The following PSPC1 variants were observed in gnomAD, a reference collection of about 807,000 sequenced individuals.
The protein encoded by PSPC1 is paraspeckle component 1, also known as paraspeckle protein 1.
In PSPC1, 14 loss-of-function variants were observed where a neutral mutation model predicts 51.6. The observed-to-expected ratio is 0.27, with a 90% confidence interval of 0.18 to 0.42. The LOEUF (loss-of-function observed/expected upper bound fraction) is 0.42. Among genes scored for constraint, PSPC1 ranks in the 10% least tolerant of loss-of-function variants. The pLI, the probability that PSPC1 is intolerant of heterozygous loss-of-function variation, is 1.00. For synonymous variants in PSPC1, 193 were observed against 231.9 expected (o/e 0.83, Z 1.53); for missense variants, 406 against 701.1 (o/e 0.58, Z 4.75).
chr13:19,771,168 C>G (rs909959249), intron 2 of PSPC1, among the ~76,000 whole-genome samples: 7 of 152,012 alleles, frequency 4.6e-5, no homozygotes, highest in African/African-American at 1.7e-4. Flanking sequence ...GGCAGAGTCT[C>G]GCTCTGTCGC....
chr13:19,770,456 TC>T (rs1469718055), intron 2 of PSPC1, among the ~76,000 whole-genome samples: 2 of 151,972 alleles, frequency 1.3e-5, no homozygotes, highest in Non-Finnish European at 2.9e-5. Flanking sequence ...GGTCAGGAGT[TC>T]GAGACCAGCC....
intron 7 of PSPC1, among the ~76,000 whole-genome samples, chr13:19,708,777 A>G (rs553160586): frequency 5.9e-5 from 9 of 152,360 alleles, no homozygotes; most frequent in African/African-American, 1.9e-4. Flanking sequence ...TTACACAAAA[A>G]GCTAGTTTAA....
intron 3 of PSPC1, among the ~76,000 whole-genome samples, chr13:19,755,872 T>A (rs1887016629): frequency 6.6e-6 from 1 of 152,160 alleles, no homozygotes; most frequent in African/African-American, 2.4e-5. Flanking sequence ...TAAATCCAAC[T>A]ACCTGCTTGA....
At chr13:19,754,578 T>G (rs369304330) in intron 3 of PSPC1, among the ~76,000 whole-genome samples, 14 of 151,258 alleles carry the variant, frequency 9.3e-5, no homozygotes, top group African/African-American at 3.4e-4. Context: ...TAGCTGGGAT[T>G]ACAGGTGCAC....
At chr13:19,749,037 C>T (rs1434509508) in intron 4 of PSPC1, among the ~76,000 whole-genome samples, 1 of 151,592 alleles carries the variant, frequency 6.6e-6, no homozygotes, top group African/African-American at 2.4e-5. Context: ...TGGAGAAATC[C>T]CATCTCTACT....
chr13:19,717,915 G>A (rs1299564785), intron 6 of PSPC1, among the ~76,000 whole-genome samples: 1 of 151,532 alleles, frequency 6.6e-6, no homozygotes, highest in Non-Finnish European at 1.5e-5. Context: ...ATGGTGTCCA[G>A]TGCCTGTAAT....
At chr13:19,776,093 G>A (rs1024539881) in intron 1 of PSPC1, among the ~76,000 whole-genome samples, 10 of 151,744 alleles carry the variant, frequency 6.6e-5, no homozygotes, top group African/African-American at 2.4e-4. Context: ...GAAATATGAA[G>A]ACATTTAATG....
At chr13:19,692,319 C>A (rs940006173) in intron 6 of PSPC1, among the ~76,000 whole-genome samples, 2 of 152,058 alleles carry the variant, frequency 1.3e-5, no homozygotes, top group African/African-American at 4.8e-5. Flanking sequence ...GTTTTGCCAT[C>A]TTGCCCAGGC....
intron 5 of PSPC1, among the ~76,000 whole-genome samples, chr13:19,739,647 G>A (rs961334507): frequency 1.2e-4 from 18 of 152,142 alleles, no homozygotes; most frequent in African/African-American, 3.4e-4. Flanking sequence ...GGAAGCTGAG[G>A]CAGGAGAATC....
At chr13:19,750,618 CT>C (rs1455179494) in intron 4 of PSPC1, among the ~76,000 whole-genome samples, 1 of 152,042 alleles carries the variant, frequency 6.6e-6, no homozygotes, top group Non-Finnish European at 1.5e-5. Context: ...CCAAATTCTT[CT>C]CATCAAACAA....
At chr13:19,721,720 A>G (rs749265360) in intron 6 of PSPC1, among the ~76,000 whole-genome samples, 16 of 152,210 alleles carry the variant, frequency 1.1e-4, no homozygotes, top group Non-Finnish European at 2.1e-4. Flanking sequence ...AATACAGGAA[A>G]CAGTGAACAA....
chr13:19,782,676 C>G lies in PSPC1; in HGVS notation c.82G>C (p.Glu28Gln). 2 of 1,563,996 alleles carry G rather than the reference C, an allele frequency of 1.3e-6. No homozygotes were observed. The highest frequency in any genetic ancestry group is 1.4e-5 in the African/African-American group (1 of 70,370). The change falls in exon 1 of 9, where the codon GAG becomes CAG. Residue 28 changes from glutamate to glutamine, a missense_variant. Physicochemically the swap from Glu to Gln is conservative, Grantham distance 29 (BLOSUM62 2). Around this residue, in one of 5 missense-constraint regions of PSPC1, gnomAD observed 128 missense variants for 107.1 expected, o/e 1.20. Transcript: ENST00000338910. This position sits in a 1 kb window ranked among gnomAD's most constrained non-coding sequence, Gnocchi z 4.5. ...RLRALESAVG[E>Q]SEPAAAAAMA... is the part of the protein sequence containing the mutation. The stretch of plus-strand genomic sequence containing the variant: ...GCTGCCGCGGCCGCCGGCTCGCTCT[C>G]GCCCACCGCGGACTCCAGGGCGCGA...
At chr13:19,740,267 C>T (rs1365024285) in intron 5 of PSPC1, among the ~76,000 whole-genome samples, 1 of 151,418 alleles carries the variant, frequency 6.6e-6, no homozygotes, top group East Asian at 1.9e-4. Context: ...GGCTTGAACC[C>T]GGGAGGCGGA....
chr13:19,757,844 T>C (rs141119290), intron 3 of PSPC1, among the ~76,000 whole-genome samples: 37 of 152,030 alleles, frequency 2.4e-4, no homozygotes, highest in Non-Finnish European at 4.1e-4. Context: ...GCAAAAGTAA[T>C]TGGAGAGGAA....
At position 19,703,102 on chromosome 13, in the gene PSPC1, C is replaced by T; in HGVS notation, c.*73G>A. On this transcript the variant is annotated 3_prime_UTR_variant, in exon 9 of 9. Coordinates refer to ENST00000338910, the MANE Select transcript of PSPC1 (RefSeq NM_001354909.2). ...ACATTAACAATAAAACCATTTCTTC[C>T]AGATAACAGGTAAAAGTATAAAGGC... is the stretch of plus-strand genomic sequence containing the variant. 7.7e-7 allele frequency: 1 copy of T among 1,300,426 alleles called. No individual in the cohort carries two copies. Among genetic ancestry groups the T allele is most frequent in the Non-Finnish European group, 1.1e-6 (1 of 933,556 alleles). 80.6% of individuals were successfully genotyped at this position (1,300,426 alleles called of 1,614,324 possible). A position where few individuals can be genotyped will look rare whatever the true frequency, so the allele number is the denominator to read the frequency against.
intron 7 of PSPC1, chr13:19,675,496 T>C (rs904506221): frequency 1.3e-5 from 2 of 152,202 alleles, no homozygotes; most frequent in Non-Finnish European, 2.9e-5. Flanking sequence ...ACAGAAAATG[T>C]GCCCCTGTAG....
intron 8 of PSPC1, among the ~76,000 whole-genome samples, chr13:19,704,924 CA>C (rs1393714136): frequency 6.6e-6 from 1 of 151,920 alleles, no homozygotes; most frequent in Non-Finnish European, 1.5e-5. Flanking sequence ...AATTTACAGC[CA>C]AATTCTTTGC....
At chr13:19,688,828 T>C (rs1019319533) in intron 6 of PSPC1, among the ~76,000 whole-genome samples, 3 of 152,060 alleles carry the variant, frequency 2.0e-5, no homozygotes, top group Non-Finnish European at 2.9e-5. Flanking sequence ...ATGGACCCTA[T>C]AGATTGTTTA....
chr13:19,683,543 C>G (rs192792157), intron 6 of PSPC1, among the ~76,000 whole-genome samples: 1 of 152,166 alleles, frequency 6.6e-6, no homozygotes, highest in Non-Finnish European at 1.5e-5. Context: ...TAAGACCTTA[C>G]GTTTATGAAA....
Sources: gnomAD v4.1 joint callset for allele counts (sites outside exome capture counted in the v4.1 genomes callset) on GRCh38, gnomAD v4.1.1 for gene constraint, gnomAD v4.1.1 regional missense constraint, Gnocchi (gnomAD v3.1) non-coding constraint, MANE v1.5 for transcripts, NCBI Gene and HGNC (gene_info 2026-07-23, HGNC 2026-07-21) for gene names.